Variants in TSNARE1 observed in about 807,000 individuals in gnomAD.
The protein encoded by TSNARE1 is t-SNARE domain-containing protein 1.
Under a neutral mutation model 62.0 loss-of-function variants are expected in TSNARE1, and 49 were observed. That is an observed-to-expected ratio of 0.79 (90% confidence interval 0.63 to 1.00). The LOEUF (loss-of-function observed/expected upper bound fraction) is 1.00. Among genes scored for constraint, TSNARE1 ranks in the 50% least tolerant of loss-of-function variants. The pLI is 0.00. For synonymous variants in TSNARE1, 328 were observed against 294.4 expected, an observed-to-expected ratio of 1.11 and a Z score of -1.17; for missense variants, 755 against 700.1, an observed-to-expected ratio of 1.08 and a Z score of -0.88.
At chr8:142,323,838 C>T (rs1000392668) in intron 6 of TSNARE1, among the ~76,000 whole-genome samples, 32 of 152,318 alleles carry the variant, frequency 2.1e-4, no homozygotes, top group African/African-American at 7.5e-4. Context: ...TCCATCCTCA[C>T]GGCCACCGAG....
chr8:142,255,767 T>C (rs867429964), intron 12 of TSNARE1, among the ~76,000 whole-genome samples: 14 of 37,002 alleles, frequency 3.8e-4, no homozygotes, highest in Non-Finnish European at 8.2e-4. Flanking sequence ...ACCATCACCA[T>C]CACCACCACC....
At chr8:142,348,772 C>T (rs1279315343) in intron 2 of TSNARE1, among the ~76,000 whole-genome samples, 1 of 152,102 alleles carries the variant, frequency 6.6e-6, no homozygotes, top group Admixed American at 6.5e-5. Flanking sequence ...TAGCTGTCCA[C>T]AGAGCTGGCC....
At chr8:142,283,751 CG>C (rs1563826118) in intron 11 of TSNARE1, among the ~76,000 whole-genome samples, 1 of 112,374 alleles carries the variant, frequency 8.9e-6, no homozygotes, top group African/African-American at 3.1e-5. Flanking sequence ...TGTCTGTCAA[CG>C]AGCAGAGGCA....
intron 10 of TSNARE1, among the ~76,000 whole-genome samples, chr8:142,286,405 C>A (rs1253723411): frequency 6.6e-6 from 1 of 152,216 alleles, no homozygotes; most frequent in African/African-American, 2.4e-5. Context: ...TTAGCATGAT[C>A]TTAAACTGAC....
chr8:142,327,882 C>T (rs1830483470), intron 6 of TSNARE1, among the ~76,000 whole-genome samples: 1 of 152,178 alleles, frequency 6.6e-6, no homozygotes, highest in African/African-American at 2.4e-5. Flanking sequence ...GACCCCACTG[C>T]CATCGCTGCA....
rs546507241 is a variant in TSNARE1, at chr8:142,398,798, T to A, written c.-40+4306A>T. On this transcript the variant is annotated intron_variant, in intron 1 of 13. Coordinates refer to ENST00000524325, the MANE Select transcript of TSNARE1 (RefSeq NM_145003.5). The stretch of plus-strand genomic sequence containing the variant: ...ACCCTGTCCAGGCAGGAACACCCAG[T>A]AGACTGTCCTGCTTGCCTGCAGTGG... 2.6e-5 allele frequency among the ~76,000 whole-genome samples: 4 copies of A among 152,266 alleles called. No individual in the cohort carries two copies. The South Asian group carries it at 8.3e-4, about 32-fold the overall frequency.
intron 13 of TSNARE1, among the ~76,000 whole-genome samples, chr8:142,224,778 C>T (rs759267838): frequency 6.6e-5 from 10 of 152,218 alleles, no homozygotes; most frequent in Non-Finnish European, 1.0e-4. Flanking sequence ...TCACCCGCCA[C>T]TCTGAATGGG....
chr8:142,390,591 G>A (rs1365037785), intron 1 of TSNARE1, among the ~76,000 whole-genome samples: 2 of 69,196 alleles, frequency 2.9e-5, no homozygotes, highest in Non-Finnish European at 2.4e-5. Flanking sequence ...TATAGCAGAC[G>A]CTGTACACTG....
At chr8:142,264,760 C>T (rs1819048779) in intron 12 of TSNARE1, among the ~76,000 whole-genome samples, 1 of 152,194 alleles carries the variant, frequency 6.6e-6, no homozygotes, top group Non-Finnish European at 1.5e-5. Flanking sequence ...AATCTTCACA[C>T]CTTTCCTTCC....
chr8:142,274,557 C>T (rs765402774), intron 12 of TSNARE1: 25 of 985,294 alleles, frequency 2.5e-5, no homozygotes, highest in African/African-American at 5.2e-5. Context: ...AGAGAGGAGA[C>T]GGTGCCGACC....
chr8:142,329,156 G>A (rs9969530), intron 6 of TSNARE1, among the ~76,000 whole-genome samples: 32,729 of 152,230 alleles, frequency 0.21, 3,922 homozygotes, highest in East Asian at 0.31. Flanking sequence ...GGGAGCATCA[G>A]AGGGGCCACA....
At chr8:142,239,273 A>G (rs1817576331) in intron 12 of TSNARE1, among the ~76,000 whole-genome samples, 1 of 152,212 alleles carries the variant, frequency 6.6e-6, no homozygotes, top group African/African-American at 2.4e-5. Context: ...CTTTCTGCAG[A>G]AGAAGGTGGC....
chr8:142,374,477 C>G (rs1346124501), intron 1 of TSNARE1, among the ~76,000 whole-genome samples: 8 of 150,388 alleles, frequency 5.3e-5, no homozygotes, highest in South Asian at 2.1e-4. Context: ...AGGAGATTGA[C>G]ACCATCCTGG....
intron 13 of TSNARE1, among the ~76,000 whole-genome samples, chr8:142,225,801 A>G (rs1475780626): frequency 6.6e-6 from 1 of 152,226 alleles, no homozygotes; most frequent in African/African-American, 2.4e-5. Flanking sequence ...ACAACCAAGT[A>G]CCGTATGCGG....
intron 1 of TSNARE1, among the ~76,000 whole-genome samples, chr8:142,381,675 C>T (rs931536959): frequency 1.4e-4 from 22 of 152,296 alleles, no homozygotes; most frequent in East Asian, 5.8e-4. Flanking sequence ...GGAGGAGCCA[C>T]GTGGGGCAAA....
chr8:142,302,179 C>T (rs1266544898), intron 9 of TSNARE1, among the ~76,000 whole-genome samples: 2 of 152,070 alleles, frequency 1.3e-5, no homozygotes, highest in Non-Finnish European at 2.9e-5. Context: ...CTCCTGCAGC[C>T]CTCAGGAGCA....
At chr8:142,256,314 CACCACCATCACCAT>C (rs1818553997) in intron 12 of TSNARE1, among the ~76,000 whole-genome samples, 1 of 142,092 alleles carries the variant, frequency 7.0e-6, no homozygotes, top group Non-Finnish European at 1.6e-5. Context: ...CCACCATCAT[CACCACCATCACCAT>C]CTTTGCCACC....
At chr8:142,310,409 G>A (rs912633628) in intron 9 of TSNARE1, among the ~76,000 whole-genome samples, 16 of 152,230 alleles carry the variant, frequency 1.1e-4, no homozygotes, top group South Asian at 4.1e-4. Context: ...CCGTTCCACC[G>A]TCGACGTTAA....
chr8:142,387,263 T>G lies in TSNARE1; in HGVS notation c.-40+15841A>C, dbSNP rs79736209. On this transcript the variant is annotated intron_variant, in intron 1 of 13. Coordinates refer to ENST00000524325, the MANE Select transcript of TSNARE1 (RefSeq NM_145003.5). ...TTGCAGAACTTCTAAACAGCAATGA[T>G]AAGGAAAATATGTCTCATCAAAACT... 7.4e-3 allele frequency among the ~76,000 whole-genome samples: 1,130 copies of G among 152,100 alleles called. 9 individuals are homozygous for G. Among genetic ancestry groups the G allele is most frequent in the Non-Finnish European group, 0.012 (820 of 67,958 alleles).
Sources: allele counts gnomAD v4.1 joint callset (sites outside exome capture counted in the v4.1 genomes callset), GRCh38; gene constraint gnomAD v4.1.1; transcripts MANE v1.5; gene names NCBI Gene and HGNC (gene_info 2026-07-23, HGNC 2026-07-21).